The following RIMS1 variants were observed in gnomAD, a reference collection of about 807,000 sequenced individuals.
The protein encoded by RIMS1 is regulating synaptic membrane exocytosis 1.
In RIMS1, 83 loss-of-function variants were observed where a neutral mutation model predicts 214.1. The observed-to-expected ratio is 0.39, with a 90% CI of 0.32 to 0.47. RIMS1 has a LOEUF of 0.47. Among genes scored for constraint, RIMS1 ranks in the 20% least tolerant of loss-of-function variants. The probability of loss-of-function intolerance (pLI) is 0.99; values close to 1 mark genes in which losing one functional copy is unlikely to be tolerated. For synonymous variants in RIMS1, 793 were observed against 786.8 expected (o/e 1.01, Z -0.13); for missense variants, 2,050 against 2,161.8 (o/e 0.95, Z 1.03).
At chr6:71,982,316 GA>G (rs558550982) in intron 2 of RIMS1, among the ~76,000 whole-genome samples, 33 of 152,226 alleles carry the variant, frequency 2.2e-4, no homozygotes, top group Middle Eastern at 3.4e-3. Flanking sequence ...TTCAGGCTTG[GA>G]AAACGTGTGA....
At chr6:71,995,549 TC>T in intron 2 of RIMS1, among the ~76,000 whole-genome samples, 1 of 151,846 alleles carries the variant, frequency 6.6e-6, no homozygotes, top group African/African-American at 2.4e-5. Flanking sequence ...CTGGATGTGT[TC>T]TAGATTATCT....
chr6:72,383,507 C>T (rs1456637004), intron 29 of RIMS1, among the ~76,000 whole-genome samples: 2 of 150,804 alleles, frequency 1.3e-5, no homozygotes, highest in East Asian at 1.9e-4. Context: ...GGCACAGTGG[C>T]TCATGCCTGT....
At chr6:71,896,501 G>A (rs1771835545) in intron 1 of RIMS1, among the ~76,000 whole-genome samples, 2 of 152,072 alleles carry the variant, frequency 1.3e-5, no homozygotes, top group Admixed American at 6.6e-5. Flanking sequence ...TCTAGTCCCT[G>A]ACTTCCATAA....
intron 2 of RIMS1, among the ~76,000 whole-genome samples, chr6:71,982,372 C>A (rs1384602478): frequency 1.3e-5 from 2 of 152,062 alleles, no homozygotes; most frequent in African/African-American, 4.8e-5. Context: ...GGTATTAACA[C>A]AAAATTTAAA....
rs73545376 is a variant in RIMS1, at chr6:71,933,769, C to G, written c.165-35214C>G. Among the ~76,000 whole-genome samples, 1,203 of 151,820 alleles carry G rather than the reference C, an allele frequency of 7.9e-3. 20 individuals carry two copies. The highest frequency in any genetic ancestry group is 0.028 in the African/African-American group (1,155 of 41,374). On this transcript the variant is annotated intron_variant, in intron 1 of 33. Coordinates refer to ENST00000521978, the MANE Select transcript of RIMS1 (RefSeq NM_014989.7). ...TTAGCTTCAAAAGAGTTTCATAGGACTTTCTTCCAATCAGATTTCCATTCT... is the reference window on the plus strand; with the variant it reads ...TTAGCTTCAAAAGAGTTTCATAGGAGTTTCTTCCAATCAGATTTCCATTCT...
At chr6:72,292,234 C>T (rs765229427) in intron 26 of RIMS1, among the ~76,000 whole-genome samples, 188 bp downstream of exon 26, 3 of 152,076 alleles carry the variant, frequency 2.0e-5, no homozygotes, top group Non-Finnish European at 4.4e-5. Context: ...TCAGTTTTTG[C>T]TGAGTGAGTT....
At chr6:72,317,592 T>A (rs1021158126) in intron 28 of RIMS1, among the ~76,000 whole-genome samples, 4 of 152,226 alleles carry the variant, frequency 2.6e-5, no homozygotes, top group African/African-American at 9.6e-5. Flanking sequence ...ATATTACAGT[T>A]ATGTTTGAAA....
chr6:72,159,154 T>C (rs868507909), intron 4 of RIMS1, among the ~76,000 whole-genome samples: 1 of 141,210 alleles, frequency 7.1e-6, no homozygotes, highest in African/African-American at 2.5e-5. Flanking sequence ...GCCAGTGATG[T>C]TGAGCATTTT....
At chr6:71,915,638 C>T (rs1472518693) in intron 1 of RIMS1, among the ~76,000 whole-genome samples, 2 of 152,152 alleles carry the variant, frequency 1.3e-5, no homozygotes, top group African/African-American at 4.8e-5. Flanking sequence ...GTTTCCTCTT[C>T]TCACAGGATT....
chr6:72,032,053 G>T (rs900114784), intron 2 of RIMS1, among the ~76,000 whole-genome samples: 28 of 152,094 alleles, frequency 1.8e-4, no homozygotes, highest in African/African-American at 6.5e-4. Flanking sequence ...GACTAATGAT[G>T]CATTTATATC....
chr6:71,923,599 C>T (rs536859930), intron 1 of RIMS1, among the ~76,000 whole-genome samples: 79 of 151,692 alleles, frequency 5.2e-4, no homozygotes, highest in African/African-American at 1.7e-3. Flanking sequence ...CAGAGTTTCG[C>T]TCTTGTTTCC....
chr6:72,051,863 GT>G (rs370931762), intron 2 of RIMS1, among the ~76,000 whole-genome samples: 1,864 of 149,642 alleles, frequency 0.012, 35 homozygotes, highest in African/African-American at 0.043. Flanking sequence ...CCATTTAGCT[GT>G]TTTTTTTTCA....
intron 6 of RIMS1, among the ~76,000 whole-genome samples, chr6:72,197,127 C>T (rs927156167): frequency 1.3e-5 from 2 of 152,036 alleles, no homozygotes; most frequent in Non-Finnish European, 2.9e-5. Context: ...TCCATACCAT[C>T]CTAAAGTTGA....
intron 15 of RIMS1, among the ~76,000 whole-genome samples, chr6:72,251,927 C>G (rs959230606): frequency 6.6e-6 from 1 of 152,154 alleles, no homozygotes; most frequent in Non-Finnish European, 1.5e-5. Flanking sequence ...TTTGGCCAGC[C>G]TGATCTTGAA....
chr6:72,195,552 C>T (rs1658337928), intron 6 of RIMS1, among the ~76,000 whole-genome samples: 1 of 150,018 alleles, frequency 6.7e-6, no homozygotes, highest in African/African-American at 2.5e-5. Flanking sequence ...GAATAATTGC[C>T]TGTTAAGTTT....
chr6:72,258,115 C>T lies in RIMS1; in HGVS notation c.2771-10C>T. ...ACTGACTAAATTTTTTCTGTGTGTA[C>T]TTTTGCCAGTAGGCTATAGGTCTAG... On this transcript the variant is annotated splice_polypyrimidine_tract_variant and intron_variant, in intron 16 of 33. Coordinates refer to ENST00000521978, the MANE Select transcript of RIMS1 (RefSeq NM_014989.7). 6.2e-7 allele frequency: 1 copy of T among 1,609,988 alleles called. No individual in the cohort carries two copies. Among genetic ancestry groups the T allele is most frequent in the African/African-American group, 1.3e-5 (1 of 74,942 alleles).
chr6:72,107,557 T>C (rs757420783), intron 4 of RIMS1, among the ~76,000 whole-genome samples: 2 of 151,830 alleles, frequency 1.3e-5, no homozygotes, highest in Non-Finnish European at 2.9e-5. Context: ...TAAGACTCCA[T>C]CTCAAAAGAA....
chr6:71,924,291 TTC>T lies in RIMS1; in HGVS notation c.164+37106_164+37107del, dbSNP rs1780895607. 3.9e-5 allele frequency among the ~76,000 whole-genome samples: 6 copies of T among 152,224 alleles called. No individual in the cohort carries two copies. In the South Asian group the frequency reaches 1.2e-3, roughly 32 times the overall value. On this transcript the variant is annotated intron_variant, in intron 1 of 33. Transcript: ENST00000521978. Reference sequence around the variant, plus strand: ...ATTCACTATTTAAAAAAGAACAAGTTTCTATTTTTGCCTCTAAGGGAAATGAG... The same window carrying T: ...ATTCACTATTTAAAAAAGAACAAGTTTATTTTTGCCTCTAAGGGAAATGAG...
intron 6 of RIMS1, among the ~76,000 whole-genome samples, chr6:72,199,923 G>A (rs960474194): frequency 1.3e-5 from 2 of 152,016 alleles, no homozygotes; most frequent in African/African-American, 2.4e-5. Flanking sequence ...CTAAAAATAA[G>A]GTTGGGAAGT....
Sources: gnomAD v4.1 joint callset for allele counts (sites outside exome capture counted in the v4.1 genomes callset) on GRCh38, gnomAD v4.1.1 for gene constraint, MANE v1.5 for transcripts, NCBI Gene and HGNC (gene_info 2026-07-23, HGNC 2026-07-21) for gene names.